The following CAMTA1 variants were observed in gnomAD, a reference collection of about 807,000 sequenced individuals.
The protein encoded by CAMTA1 is calmodulin-binding transcription activator 1.
In CAMTA1, 27 loss-of-function variants were observed where a neutral mutation model predicts 170.9. The ratio of observed to expected loss-of-function variants is 0.16; its 90% CI spans 0.12 to 0.22. CAMTA1 has a LOEUF of 0.22. CAMTA1 is among the 10% of genes least tolerant of loss of function. The pLI is 1.00. For synonymous variants in CAMTA1, 833 were observed against 891.5 expected (o/e 0.93, Z 1.17); for missense variants, 1,619 against 2,217.2 (o/e 0.73, Z 5.42).
chr1:7,163,598 A>G (rs140895362), intron 4 of CAMTA1, among the ~76,000 whole-genome samples: 19 of 152,302 alleles, frequency 1.2e-4, no homozygotes, highest in East Asian at 3.9e-4. Flanking sequence ...GAGGACATCA[A>G]TTTAGCTCTA....
At chr1:7,354,327 T>C (rs919740879) in intron 5 of CAMTA1, among the ~76,000 whole-genome samples, 1 of 151,944 alleles carries the variant, frequency 6.6e-6, no homozygotes, top group African/African-American at 2.4e-5. Context: ...TTTTTTGTGT[T>C]TTTAGTAGAG....
chr1:6,933,077 T>A (rs1007075636), intron 3 of CAMTA1, among the ~76,000 whole-genome samples: 6 of 152,132 alleles, frequency 3.9e-5, no homozygotes, highest in Non-Finnish European at 8.8e-5. Context: ...CATCTTTTTT[T>A]TTTAATTAAA....
chr1:7,191,611 C>G (rs957361184), intron 4 of CAMTA1, among the ~76,000 whole-genome samples: 5 of 152,206 alleles, frequency 3.3e-5, no homozygotes, highest in Admixed American at 6.5e-5. Flanking sequence ...TTAACAGAAC[C>G]CTGATTAGTT....
At chr1:6,826,334 T>G (rs1486216757) in intron 3 of CAMTA1, among the ~76,000 whole-genome samples, 1 of 152,338 alleles carries the variant, frequency 6.6e-6, no homozygotes, top group African/African-American at 2.4e-5. Flanking sequence ...AATTACATTT[T>G]CCCGTCAGAC....
intron 5 of CAMTA1, among the ~76,000 whole-genome samples, chr1:7,407,629 C>G (rs2149241012): frequency 6.6e-6 from 1 of 152,310 alleles, no homozygotes; most frequent in South Asian, 2.1e-4. Flanking sequence ...CTAGGCCCCT[C>G]TGGCTTTAAG....
chr1:7,262,372 GC>G (rs1335434101), intron 5 of CAMTA1, among the ~76,000 whole-genome samples: 2 of 152,058 alleles, frequency 1.3e-5, no homozygotes, highest in Non-Finnish European at 2.9e-5. Flanking sequence ...GACCAGCCTA[GC>G]CAACATGGTG....
At chr1:6,829,654 T>C (rs1014189123) in intron 3 of CAMTA1, among the ~76,000 whole-genome samples, 7 of 152,326 alleles carry the variant, frequency 4.6e-5, no homozygotes, top group African/African-American at 1.4e-4. Context: ...ACTATCCTTA[T>C]CTTATAGATG....
Position 7,673,921 on chromosome 1 carries a change from G to A in CAMTA1, c.2779+2884G>A, listed in dbSNP as rs994623623. On this transcript the variant is annotated intron_variant, in intron 10 of 22. Transcript: ENST00000303635. The surrounding 1 kb of genome is among the most constrained non-coding windows in gnomAD (Gnocchi z 4.6). ...CTCACCGGGCCCCTGATCGTAAGGGGCTCTCGGTCCAGGGAGGAGTGCAGT... is the reference window on the plus strand; with the variant it reads ...CTCACCGGGCCCCTGATCGTAAGGGACTCTCGGTCCAGGGAGGAGTGCAGT... 3.3e-5 allele frequency among the ~76,000 whole-genome samples: 5 copies of A among 152,190 alleles called. No individual in the cohort carries two copies. The highest frequency in any genetic ancestry group is 9.7e-5 in the African/African-American group (4 of 41,448).
At chr1:7,034,312 A>G (rs1468498587) in intron 3 of CAMTA1, among the ~76,000 whole-genome samples, 1 of 152,132 alleles carries the variant, frequency 6.6e-6, no homozygotes, top group African/African-American at 2.4e-5. Context: ...GCCCACCACC[A>G]CAGCCAGTTA....
intron 6 of CAMTA1, among the ~76,000 whole-genome samples, chr1:7,617,325 G>A (rs2095565781): frequency 6.6e-6 from 1 of 152,216 alleles, no homozygotes; most frequent in East Asian, 1.9e-4. Flanking sequence ...GCACAAAAGT[G>A]TAGCAGCAGA....
At chr1:7,231,522 A>G (rs749381461) in intron 4 of CAMTA1, among the ~76,000 whole-genome samples, 1 of 152,070 alleles carries the variant, frequency 6.6e-6, no homozygotes, top group Non-Finnish European at 1.5e-5. Context: ...ACAGGTGCCA[A>G]CCACCATGCC....
chr1:7,301,810 C>T (rs765975509), intron 5 of CAMTA1, among the ~76,000 whole-genome samples: 12 of 152,164 alleles, frequency 7.9e-5, no homozygotes, highest in Non-Finnish European at 1.8e-4. Flanking sequence ...CCAGCAAGTG[C>T]TCTCACTTCC....
At chr1:7,232,771 A>C (rs1391595390) in intron 4 of CAMTA1, among the ~76,000 whole-genome samples, 1 of 152,188 alleles carries the variant, frequency 6.6e-6, no homozygotes, top group African/African-American at 2.4e-5. Flanking sequence ...AAAGAAGAAC[A>C]AAGCGCATTA....
intron 3 of CAMTA1, among the ~76,000 whole-genome samples, chr1:6,828,268 G>A (rs1035146322): frequency 7.0e-6 from 1 of 143,610 alleles, no homozygotes; most frequent in African/African-American, 2.5e-5. Flanking sequence ...TTGTGAGTGA[G>A]ATTGTGCTCA....
At chr1:7,651,383 C>T (rs2095847682) in intron 7 of CAMTA1, among the ~76,000 whole-genome samples, 2 of 152,184 alleles carry the variant, frequency 1.3e-5, no homozygotes, top group South Asian at 2.1e-4. Flanking sequence ...CCAGCAGGTG[C>T]CGCCTGTACA....
At chr1:7,260,505 G>A (rs1402406332) in intron 5 of CAMTA1, among the ~76,000 whole-genome samples, 3 of 152,182 alleles carry the variant, frequency 2.0e-5, no homozygotes, top group Non-Finnish European at 4.4e-5. Flanking sequence ...AAAAGCTCAG[G>A]GCACTGCTTC....
intron 3 of CAMTA1, among the ~76,000 whole-genome samples, chr1:6,905,439 C>G (rs1016443148): frequency 3.3e-5 from 5 of 152,106 alleles, no homozygotes; most frequent in Admixed American, 2.6e-4. Flanking sequence ...AGGTGATCCA[C>G]CTGCTTCGGC....
intron 4 of CAMTA1, among the ~76,000 whole-genome samples, chr1:7,122,059 G>T (rs1328815389): frequency 5.3e-5 from 8 of 152,032 alleles, no homozygotes; most frequent in African/African-American, 1.9e-4. Flanking sequence ...ATGGGCTTGA[G>T]GCTGTTTCCG....
intron 3 of CAMTA1, among the ~76,000 whole-genome samples, chr1:7,069,604 G>A (rs555504045): frequency 1.9e-4 from 29 of 152,238 alleles, no homozygotes; most frequent in African/African-American, 6.3e-4. Flanking sequence ...CTGCCTCTCC[G>A]TAGGGTGGGC....
Sources: allele counts gnomAD v4.1 joint callset (sites outside exome capture counted in the v4.1 genomes callset), GRCh38; gene constraint gnomAD v4.1.1; non-coding constraint Gnocchi (gnomAD v3.1); transcripts MANE v1.5; gene names NCBI Gene and HGNC (gene_info 2026-07-23, HGNC 2026-07-21).